CSMD1: variants seen among roughly 807,000 people sequenced by gnomAD.
The protein encoded by CSMD1 is CUB and sushi domain-containing protein 1.
A neutral mutation model predicts 417.5 loss-of-function variants in CSMD1; 213 were observed. That is an observed-to-expected ratio of 0.51 (90% CI 0.46 to 0.57). CSMD1 has a LOEUF of 0.57. CSMD1 is among the 20% of genes least tolerant of loss of function. The probability of loss-of-function intolerance (pLI) is 0.00; values close to 1 mark genes in which losing one functional copy is unlikely to be tolerated. For missense variants in CSMD1, 6,923 were observed against 4,529.7 expected (o/e 1.53, Z -15.17); for synonymous variants, 2,862 against 1,736.8 (o/e 1.65, Z -16.11).
At chr8:2,981,230 G>A (rs943110378) in intron 54 of CSMD1, among the ~76,000 whole-genome samples, 3 of 152,196 alleles carry the variant, frequency 2.0e-5, no homozygotes, top group Non-Finnish European at 4.4e-5. Flanking sequence ...GAGTTTGTTA[G>A]TGACCAACCA....
At chr8:3,544,790 T>C (rs1798591165) in intron 10 of CSMD1, among the ~76,000 whole-genome samples, 1 of 152,078 alleles carries the variant, frequency 6.6e-6, no homozygotes, top group Non-Finnish European at 1.5e-5. Context: ...TTTGCTTTTC[T>C]CTAATGAGAA....
intron 6 of CSMD1, among the ~76,000 whole-genome samples, chr8:3,751,809 G>A (rs1262323363): frequency 6.6e-6 from 1 of 152,068 alleles, no homozygotes; most frequent in Non-Finnish European, 1.5e-5. Context: ...TCAGGTTTGA[G>A]AAACAAACGC....
chr8:4,775,583 A>C (rs1796811957), intron 1 of CSMD1, among the ~76,000 whole-genome samples: 2 of 152,220 alleles, frequency 1.3e-5, no homozygotes. Context: ...AGAATAAAAA[A>C]GATATTTTAA....
intron 5 of CSMD1, among the ~76,000 whole-genome samples, chr8:3,920,688 T>C (rs943162411): frequency 6.6e-6 from 1 of 152,070 alleles, no homozygotes; most frequent in Non-Finnish European, 1.5e-5. Flanking sequence ...ATCAGGAAAA[T>C]AGGTTAAATT....
intron 8 of CSMD1, among the ~76,000 whole-genome samples, chr8:3,601,334 G>A (rs142803136): frequency 9.8e-5 from 15 of 152,344 alleles, no homozygotes; most frequent in Non-Finnish European, 1.6e-4. Flanking sequence ...ACATATAGGA[G>A]CTGTAGAAGG....
chr8:4,384,188 C>T (rs973718047), intron 3 of CSMD1, among the ~76,000 whole-genome samples: 2 of 151,994 alleles, frequency 1.3e-5, no homozygotes, highest in African/African-American at 2.4e-5. Context: ...ACATCCTGCT[C>T]AAGATTAGAA....
chr8:2,993,782 C>A (rs1436375776), intron 54 of CSMD1, among the ~76,000 whole-genome samples: 2 of 151,950 alleles, frequency 1.3e-5, no homozygotes, highest in African/African-American at 2.4e-5. Flanking sequence ...CCCGTCTCGG[C>A]CCTTATGACT....
At chr8:3,809,561 T>G (rs1270266614) in intron 5 of CSMD1, among the ~76,000 whole-genome samples, 1 of 152,168 alleles carries the variant, frequency 6.6e-6, no homozygotes, top group Non-Finnish European at 1.5e-5. Flanking sequence ...TCGGATTCAC[T>G]GGGAGAGCTT....
chr8:3,484,820 C>T (rs1345474410), intron 11 of CSMD1, among the ~76,000 whole-genome samples: 2 of 152,144 alleles, frequency 1.3e-5, no homozygotes, highest in Non-Finnish European at 1.5e-5. Flanking sequence ...AAGCATCTGA[C>T]AAAATGTTCA....
intron 4 of CSMD1, among the ~76,000 whole-genome samples, chr8:4,018,279 A>G (rs528697102): frequency 6.6e-5 from 10 of 152,302 alleles, no homozygotes; most frequent in South Asian, 2.1e-4. Flanking sequence ...TTGAGAGTCT[A>G]TCTTTTGGGA....
In CSMD1 at chr8:3,451,845, A is replaced by C. The variant is rs536378773; in HGVS notation, c.1561+16867T>G. On this transcript the variant is annotated intron_variant, in intron 12 of 69. Transcript: ENST00000635120. ...AACTTTAAAGTAGTTTTTTCCAATT[A>C]CGTGAAGAAAGTCATTGGTAGCTTG... Among the ~76,000 whole-genome samples the C allele has an allele frequency of 5.9e-4, 90 of 152,158 alleles. 1 individual carries two copies. Among genetic ancestry groups the C allele is most frequent in the East Asian group, 4.1e-3 (21 of 5,162 alleles).
chr8:3,025,815 C>T (rs1354378104), intron 51 of CSMD1, among the ~76,000 whole-genome samples: 5 of 152,120 alleles, frequency 3.3e-5, no homozygotes, highest in African/African-American at 1.2e-4. Context: ...AAATGTGTTA[C>T]TTATGTGAGC....
At chr8:3,543,862 G>A (rs1375462426) in intron 10 of CSMD1, among the ~76,000 whole-genome samples, 1 of 152,168 alleles carries the variant, frequency 6.6e-6, no homozygotes, top group Non-Finnish European at 1.5e-5. Flanking sequence ...TGAAGCTGCA[G>A]GATCAGAGTC....
chr8:3,243,091 G>T (rs557910206), intron 26 of CSMD1, among the ~76,000 whole-genome samples: 1 of 152,304 alleles, frequency 6.6e-6, no homozygotes, highest in East Asian at 1.9e-4. Context: ...GGGAGAGATT[G>T]AAGGGTGGCG....
At chr8:4,235,895 C>A (rs990110923) in intron 3 of CSMD1, among the ~76,000 whole-genome samples, 1 of 152,264 alleles carries the variant, frequency 6.6e-6, no homozygotes, top group Non-Finnish European at 1.5e-5. Flanking sequence ...TGACACATCC[C>A]GTAGCTGAGC....
intron 5 of CSMD1, among the ~76,000 whole-genome samples, chr8:3,778,639 A>C (rs1799019302): frequency 2.0e-5 from 3 of 152,146 alleles, no homozygotes. Flanking sequence ...TCCTGCCTCC[A>C]ACCTTTCTCC....
In CSMD1 at chr8:3,927,542, G is replaced by A. The variant is rs1001415008; in HGVS notation, c.818+70361C>T. Among the ~76,000 whole-genome samples, 3 of 149,666 alleles carry A rather than the reference G, an allele frequency of 2.0e-5. 1 individual carries two copies. Among genetic ancestry groups the A allele is most frequent in the Non-Finnish European group, 4.5e-5 (3 of 66,358 alleles). ...TAGCCAGCCGTGGTGGTGCATCACT[G>A]TAATCCCAGCTACTAGAGAGGCTGA... is the stretch of plus-strand genomic sequence containing the variant. On this transcript the variant is annotated intron_variant, in intron 5 of 69. Transcript: ENST00000635120.
In CSMD1 at chr8:3,479,147, T is replaced by A. The variant is rs560483966; in HGVS notation, c.1449-10323A>T. On this transcript the variant is annotated intron_variant, in intron 11 of 69. Transcript: ENST00000635120. ...AGTAAACCCTTGAAGCCTCCAATAG[T>A]CAAATTATCATTGGAACCTCCTCCC... Among the ~76,000 whole-genome samples the A allele has an allele frequency of 2.0e-5, 3 of 152,182 alleles. No individual in the cohort carries two copies. In the South Asian group the frequency reaches 6.2e-4, roughly 32 times the overall value.
chr8:3,182,807 G>C (rs1331223445), intron 36 of CSMD1, among the ~76,000 whole-genome samples: 2 of 85,190 alleles, frequency 2.3e-5, no homozygotes, highest in Admixed American at 1.5e-4. Flanking sequence ...AGCCAGGATG[G>C]TCTCGGGGGA....
Sources: allele counts gnomAD v4.1 joint callset (sites outside exome capture counted in the v4.1 genomes callset), GRCh38; gene constraint gnomAD v4.1.1; transcripts MANE v1.5; gene names NCBI Gene and HGNC (gene_info 2026-07-23, HGNC 2026-07-21).